The following SH3GL3 variants were observed in gnomAD, a reference collection of about 807,000 sequenced individuals.
SH3GL3 encodes the protein endophilin-A3.
SH3GL3 carries 33 observed loss-of-function variants against 47.7 expected under a neutral mutation model. That is an observed-to-expected ratio of 0.69 (90% CI 0.52 to 0.92). The LOEUF is 0.92. SH3GL3 is among the 40% of genes least tolerant of loss of function. The pLI is 0.00. For missense variants in SH3GL3, 363 were observed against 417.8 expected, an observed-to-expected ratio of 0.87 and a Z score of 1.14; for synonymous variants, 155 against 148.8, an observed-to-expected ratio of 1.04 and a Z score of -0.30.
Position 83,447,608 on chromosome 15 carries a change from A to G in SH3GL3, c.45+30A>G. The G allele has an allele frequency of 6.9e-7, 1 of 1,459,256 alleles. No homozygotes were observed. The highest frequency in any genetic ancestry group is 9.2e-7 in the Non-Finnish European group (1 of 1,091,052). The allele number at this position is 1,459,256 out of a possible 1,614,324, so 90.4% of individuals were successfully genotyped here. A position where few individuals can be genotyped will look rare whatever the true frequency, so the allele number is the denominator to read the frequency against. On this transcript the variant is annotated intron_variant, in intron 1 of 8. Coordinates refer to ENST00000427482, the MANE Select transcript of SH3GL3 (RefSeq NM_003027.5). This position sits in a 1 kb window ranked among gnomAD's most constrained non-coding sequence, Gnocchi z 5.1. ...GGAGGCGCAGAGGAGGGAAGGAGGGAGGGGGACGCGGAGGCTGCGGCCCCC... is the reference window on the plus strand; with the variant it reads ...GGAGGCGCAGAGGAGGGAAGGAGGGGGGGGGACGCGGAGGCTGCGGCCCCC...
chr15:83,577,253 A>T (rs2059707222), intron 6 of SH3GL3, among the ~76,000 whole-genome samples: 1 of 152,068 alleles, frequency 6.6e-6, no homozygotes, highest in Non-Finnish European at 1.5e-5. Context: ...GTGTTGGGCC[A>T]CATTCAGAGC....
Position 83,447,943 on chromosome 15 carries a change from G to C in SH3GL3, c.45+365G>C, listed in dbSNP as rs559914843. ...CCACAGGGAGTACGATGCCGGCAGGGCCTCCCCCGAGTCTCCAGCCGTTTG... is the reference window on the plus strand; with the variant it reads ...CCACAGGGAGTACGATGCCGGCAGGCCCTCCCCCGAGTCTCCAGCCGTTTG... On this transcript the variant is annotated intron_variant, in intron 1 of 8. Transcript: ENST00000427482. The surrounding 1 kb of genome is among the most constrained non-coding windows in gnomAD (Gnocchi z 5.1). Among the ~76,000 whole-genome samples the C allele has an allele frequency of 1.3e-5, 2 of 152,004 alleles. No individual in the cohort carries two copies.
chr15:83,487,488 T>G (rs950013002), intron 1 of SH3GL3, among the ~76,000 whole-genome samples: 4 of 152,196 alleles, frequency 2.6e-5, no homozygotes, highest in Non-Finnish European at 4.4e-5. Flanking sequence ...TATTTTCTGT[T>G]GTGAACCCAA....
At chr15:83,537,054 T>A (rs533518058) in intron 1 of SH3GL3, among the ~76,000 whole-genome samples, 3 of 152,174 alleles carry the variant, frequency 2.0e-5, no homozygotes, top group Non-Finnish European at 4.4e-5. Context: ...CTTCCCTCCC[T>A]ACTGGAAGGA....
intron 1 of SH3GL3, among the ~76,000 whole-genome samples, chr15:83,475,751 C>T (rs1293084305): frequency 6.6e-6 from 1 of 152,236 alleles, no homozygotes; most frequent in Non-Finnish European, 1.5e-5. Context: ...TGACTTCGCA[C>T]TTACAGCGCA....
At chr15:83,491,248 A>G (rs1456196530) in intron 1 of SH3GL3, among the ~76,000 whole-genome samples, 3 of 152,198 alleles carry the variant, frequency 2.0e-5, no homozygotes, top group Non-Finnish European at 4.4e-5. Context: ...GCTTGATTGG[A>G]GGCAAGTGGA....
In SH3GL3 at chr15:83,507,048, C is replaced by T. The variant is rs192639266; in HGVS notation, c.46-52205C>T. The stretch of plus-strand genomic sequence containing the variant: ...TGAGACGGAGTCTTGCTCTGTCACC[C>T]AGGCTGGAGTGCAGTGGCACGATCT... On this transcript the variant is annotated intron_variant, in intron 1 of 8. Transcript: ENST00000427482. Among the ~76,000 whole-genome samples the T allele has an allele frequency of 1.5e-3, 225 of 152,082 alleles. 2 individuals are homozygous for T. The highest frequency in any genetic ancestry group is 5.4e-3 in the African/African-American group (223 of 41,496).
At chr15:83,507,251 G>A (rs1429445451) in intron 1 of SH3GL3, among the ~76,000 whole-genome samples, 3 of 151,712 alleles carry the variant, frequency 2.0e-5, no homozygotes, top group East Asian at 3.9e-4. Context: ...CTTGTGATCC[G>A]CCCACCTCGA....
the SH3GL3 span, among the ~76,000 whole-genome samples, chr15:83,633,765 C>T: frequency 3.3e-5 from 5 of 152,098 alleles, no homozygotes; most frequent in Admixed American, 6.6e-5. Context: ...ATCTGGAAGC[C>T]TGTATTTCTC....
At chr15:83,505,523 C>CTT (rs35112953) in intron 1 of SH3GL3, among the ~76,000 whole-genome samples, 169 of 92,018 alleles carry the variant, frequency 1.8e-3, no homozygotes, top group South Asian at 2.6e-3. Context: ...CTTGAATTTC[C>CTT]TTTTTTTTTT....
intron 8 of SH3GL3, among the ~76,000 whole-genome samples, chr15:83,616,427 T>C (rs1211800767): frequency 6.6e-6 from 1 of 152,016 alleles, no homozygotes; most frequent in African/African-American, 2.4e-5. Flanking sequence ...CTAATTTTTT[T>C]GTATTTTTAG....
rs8028677 is a variant in SH3GL3, at chr15:83,559,127, A to G, written c.46-126A>G. 7,109 of 632,080 alleles carry G rather than the reference A, an allele frequency of 0.011. 341 individuals carry two copies. The highest frequency in any genetic ancestry group is 0.1 in the African/African-American group (5,682 of 54,244). The allele number at this position is 632,080 out of a possible 1,614,324, so 39.2% of individuals were successfully genotyped here. ...TTACCCCTTCCAACAATTTTCTTAA[A>G]GGAGTTAGTTCAAAAAATCCAACAA... On this transcript the variant is annotated intron_variant, in intron 1 of 8. Transcript: ENST00000427482.
At chr15:83,461,070 G>A (rs1178111015) in intron 1 of SH3GL3, among the ~76,000 whole-genome samples, 1 of 150,554 alleles carries the variant, frequency 6.6e-6, no homozygotes, top group East Asian at 1.9e-4. Context: ...GCGACAGAGC[G>A]AGACTCCATC....
chr15:83,497,939 A>G (rs935279403), intron 1 of SH3GL3, among the ~76,000 whole-genome samples: 10 of 152,164 alleles, frequency 6.6e-5, no homozygotes, highest in African/African-American at 2.2e-4. Flanking sequence ...TCTGTTCACT[A>G]TGTTTTATTT....
chr15:83,539,618 T>C (rs1179632349), intron 1 of SH3GL3, among the ~76,000 whole-genome samples: 1 of 152,154 alleles, frequency 6.6e-6, no homozygotes, highest in South Asian at 2.1e-4. Context: ...CTCATCAGAG[T>C]TCTTTTTAAT....
intron 6 of SH3GL3, among the ~76,000 whole-genome samples, chr15:83,586,239 C>T (rs1421071004): frequency 1.3e-5 from 2 of 152,204 alleles, no homozygotes. Flanking sequence ...GGAAAGCTCT[C>T]AGGCCTTCCT....
intron 1 of SH3GL3, among the ~76,000 whole-genome samples, chr15:83,523,757 CTTCT>C (rs977252541): frequency 1.3e-5 from 2 of 151,998 alleles, no homozygotes; most frequent in African/African-American, 4.8e-5. Context: ...CCTTCTCTCT[CTTCT>C]TTCTTTCTTT....
At chr15:83,476,144 A>G (rs2041084058) in intron 1 of SH3GL3, among the ~76,000 whole-genome samples, 1 of 152,186 alleles carries the variant, frequency 6.6e-6, no homozygotes, top group Non-Finnish European at 1.5e-5. Context: ...AGTAGATTAA[A>G]ATAGTATTAT....
At chr15:83,533,050 C>T (rs2043751796) in intron 1 of SH3GL3, among the ~76,000 whole-genome samples, 1 of 152,116 alleles carries the variant, frequency 6.6e-6, no homozygotes, top group Non-Finnish European at 1.5e-5. Context: ...AATTTGGGTT[C>T]TGTTAGTGAG....
Sources: gnomAD v4.1 joint callset for allele counts (sites outside exome capture counted in the v4.1 genomes callset) on GRCh38, gnomAD v4.1.1 for gene constraint, Gnocchi (gnomAD v3.1) non-coding constraint, MANE v1.5 for transcripts, NCBI Gene and HGNC (gene_info 2026-07-23, HGNC 2026-07-21) for gene names.